The following DLG2 variants were observed in gnomAD, a reference collection of about 807,000 sequenced individuals.
DLG2 encodes discs large MAGUK scaffold protein 2.
DLG2 carries 45 observed loss-of-function variants against 132.5 expected under a neutral mutation model. That is an observed-to-expected ratio of 0.34 (90% CI 0.27 to 0.44). DLG2 has a LOEUF of 0.44. DLG2 is among the 20% of genes least tolerant of loss of function. DLG2 has a pLI of 1.00. For missense variants in DLG2, 1,045 were observed against 1,196.9 expected (o/e 0.87, Z 1.87); for synonymous variants, 424 against 419.6 (o/e 1.01, Z -0.13).
intron 4 of DLG2, among the ~76,000 whole-genome samples, chr11:85,155,397 A>C (rs1402415407): frequency 6.6e-6 from 1 of 152,232 alleles, no homozygotes; most frequent in Non-Finnish European, 1.5e-5. Context: ...AGTAGGATAC[A>C]ATCTTAGACT....
At chr11:84,906,378 GCT>G (rs2091512095) in intron 6 of DLG2, among the ~76,000 whole-genome samples, 1 of 120,298 alleles carries the variant, frequency 8.3e-6, no homozygotes, top group Non-Finnish European at 1.8e-5. Flanking sequence ...CCACAGCAAG[GCT>G]AACACACACA....
At chr11:83,963,390 C>A (rs2089359339) in intron 13 of DLG2, among the ~76,000 whole-genome samples, 1 of 151,912 alleles carries the variant, frequency 6.6e-6, no homozygotes, top group African/African-American at 2.4e-5. Context: ...AATTAATATC[C>A]AATTACTGAG....
At chr11:84,516,248 T>C (rs951930723) in intron 7 of DLG2, among the ~76,000 whole-genome samples, 1 of 151,124 alleles carries the variant, frequency 6.6e-6, no homozygotes, top group African/African-American at 2.4e-5. Context: ...ATAAATAAAA[T>C]AGAGTCTAGA....
chr11:83,473,138 G>C (rs140189985), intron 22 of DLG2, among the ~76,000 whole-genome samples: 108 of 152,228 alleles, frequency 7.1e-4, no homozygotes, highest in African/African-American at 2.6e-3. Flanking sequence ...ATAGATGGCT[G>C]CTACATAATC....
chr11:84,150,569 C>G (rs2095261963), intron 9 of DLG2, among the ~76,000 whole-genome samples: 5 of 152,090 alleles, frequency 3.3e-5, no homozygotes, highest in Admixed American at 3.3e-4. Flanking sequence ...TAAAGAGAGA[C>G]AGTTTGACTT....
chr11:83,784,972 G>A (rs891361073), intron 18 of DLG2, among the ~76,000 whole-genome samples: 7 of 152,120 alleles, frequency 4.6e-5, no homozygotes, highest in Middle Eastern at 3.2e-3. Context: ...AGATTCCGAT[G>A]AAAAAGTTCT....
intron 4 of DLG2, among the ~76,000 whole-genome samples, chr11:85,164,807 T>C (rs914677464): frequency 6.6e-6 from 1 of 152,208 alleles, no homozygotes; most frequent in Non-Finnish European, 1.5e-5. Flanking sequence ...ATTTTCTGGG[T>C]AAGAAAACAG....
At chr11:85,106,628 T>C (rs2071799162) in intron 6 of DLG2, among the ~76,000 whole-genome samples, 1 of 152,032 alleles carries the variant, frequency 6.6e-6, no homozygotes, top group South Asian at 2.1e-4. Context: ...AAGCACTTAA[T>C]TATGTGCCAG....
intron 21 of DLG2, among the ~76,000 whole-genome samples, chr11:83,526,072 A>G (rs533874754): frequency 3.3e-5 from 5 of 152,284 alleles, no homozygotes; most frequent in Admixed American, 3.3e-4. Flanking sequence ...TGCCAGCTGC[A>G]GTTTGATTTT....
chr11:84,884,554 A>G (rs1351217782), intron 6 of DLG2, among the ~76,000 whole-genome samples: 2 of 152,140 alleles, frequency 1.3e-5, no homozygotes, highest in Non-Finnish European at 2.9e-5. Flanking sequence ...TGACCATTCA[A>G]TGTAACCTTG....
chr11:84,941,310 C>T (rs1196220516), intron 6 of DLG2, among the ~76,000 whole-genome samples: 2 of 152,074 alleles, frequency 1.3e-5, no homozygotes, highest in Non-Finnish European at 2.9e-5. Flanking sequence ...GTGTAGATTG[C>T]TTTGAGAAGT....
chr11:84,790,966 G>C (rs1481315094), intron 6 of DLG2, among the ~76,000 whole-genome samples: 1 of 152,106 alleles, frequency 6.6e-6, no homozygotes, highest in Non-Finnish European at 1.5e-5. Flanking sequence ...TTCTTACACT[G>C]CTATAAAGAA....
intron 6 of DLG2, among the ~76,000 whole-genome samples, chr11:84,937,966 T>A (rs1333181116): frequency 6.6e-6 from 1 of 152,012 alleles, no homozygotes; most frequent in Admixed American, 6.6e-5. Flanking sequence ...AACAGAGAAA[T>A]TGTTGTCAAA....
chr11:84,031,916 GATT>G (rs1438155799), intron 11 of DLG2, among the ~76,000 whole-genome samples: 3 of 152,132 alleles, frequency 2.0e-5, no homozygotes, highest in South Asian at 2.1e-4. Context: ...AATTTTTAAT[GATT>G]ATTATATCTG....
intron 3 of DLG2, among the ~76,000 whole-genome samples, chr11:85,542,016 A>G (rs1015782026): frequency 6.6e-5 from 10 of 152,092 alleles, no homozygotes; most frequent in African/African-American, 1.9e-4. Flanking sequence ...AGTAAGGGGG[A>G]AAAAAATCTG....
At chr11:84,721,714 G>A (rs2061855341) in intron 6 of DLG2, among the ~76,000 whole-genome samples, 2 of 152,192 alleles carry the variant, frequency 1.3e-5, no homozygotes, top group Non-Finnish European at 2.9e-5. Context: ...ATGGTTGGTA[G>A]AAAGAGAGCA....
intron 6 of DLG2, among the ~76,000 whole-genome samples, chr11:84,654,914 C>T (rs1295430224): frequency 6.6e-6 from 1 of 152,128 alleles, no homozygotes; most frequent in Admixed American, 6.5e-5. Context: ...CTCAGCAGAC[C>T]ACCTGTCTCA....
rs1479756999 is a variant in DLG2, at chr11:84,923,479, G to A, written c.357+188182C>T. The A allele has an allele frequency of 4.2e-6, 3 of 708,124 alleles. No individual in the cohort carries two copies. The African/African-American group carries it at 6.2e-5, about 15-fold the overall frequency. 43.9% of individuals were successfully genotyped at this position (708,124 alleles called of 1,614,324 possible). ...GAATGAGCTCACTCAGGAAGGAGGG[G>A]GGGAAAGGTGAAGAATTGAAATTTA... On this transcript the variant is annotated intron_variant, in intron 6 of 27. Transcript: ENST00000376104.
chr11:85,417,233 T>C (rs181629747), intron 3 of DLG2, among the ~76,000 whole-genome samples: 49 of 152,330 alleles, frequency 3.2e-4, no homozygotes, highest in African/African-American at 1.1e-3. Flanking sequence ...TCTGTTTATG[T>C]GATTAATAAC....
Sources: gnomAD v4.1 joint callset for allele counts (sites outside exome capture counted in the v4.1 genomes callset) on GRCh38, gnomAD v4.1.1 for gene constraint, MANE v1.5 for transcripts, NCBI Gene and HGNC (gene_info 2026-07-23, HGNC 2026-07-21) for gene names.